The following PPFIA2 variants were observed in gnomAD, a reference collection of about 807,000 sequenced individuals.
The protein encoded by PPFIA2 is PPFI scaffold protein A2.
In PPFIA2, 46 loss-of-function variants were observed where a neutral mutation model predicts 175.5. The ratio of observed to expected loss-of-function variants is 0.26; its 90% CI spans 0.21 to 0.34. PPFIA2 has a LOEUF of 0.34. Among genes scored for constraint, PPFIA2 ranks in the 10% least tolerant of loss-of-function variants. The pLI is 1.00. For missense variants in PPFIA2, 1,179 were observed against 1,506.1 expected (o/e 0.78, Z 3.60); for synonymous variants, 568 against 511.4 (o/e 1.11, Z -1.49).
In PPFIA2 at chr12:81,384,118, G is replaced by C; in HGVS notation, c.889C>G (p.Arg297Gly). 6.2e-7 allele frequency: 1 copy of C among 1,613,040 alleles called. No individual in the cohort carries two copies. The highest frequency in any genetic ancestry group is 8.5e-7 in the Non-Finnish European group (1 of 1,179,440). ...MKERLAALSS[R>G]VGEVEQEAET... Reference sequence around the variant, plus strand: ...GCTTCCTGTTCCACCTCTCCCACTCGGGAAGAAAGGGCTGCTAAACGTTCT... The same window carrying C: ...GCTTCCTGTTCCACCTCTCCCACTCCGGAAGAAAGGGCTGCTAAACGTTCT... The change falls in exon 9 of 33, where the codon CGA (arginine) becomes GGA (glycine). Residue 297 changes from arginine (R) to glycine (G), a missense_variant. By Grantham distance (125) the Arg-to-Gly change is moderately radical. Transcript: ENST00000549396.
Position 81,369,199 on chromosome 12 carries a change from TAAG to T in PPFIA2, c.1267-8_1267-6del. The T allele has an allele frequency of 6.2e-7, 1 of 1,606,466 alleles. No homozygotes were observed. Among genetic ancestry groups the T allele is most frequent in the East Asian group, 2.2e-5 (1 of 44,492 alleles). ...ATTTCCATGTCTCTCTTCAGCCTGTTAAGAAATATGAAGAATACACCTGAAATG... is the reference window on the plus strand; with the variant it reads ...ATTTCCATGTCTCTCTTCAGCCTGTTAAATATGAAGAATACACCTGAAATG... On this transcript the variant is annotated splice_polypyrimidine_tract_variant and splice_region_variant and intron_variant, in intron 11 of 32. Transcript: ENST00000549396.
chr12:81,683,725 T>C (rs75910272), intron 3 of PPFIA2, among the ~76,000 whole-genome samples: 2,223 of 152,140 alleles, frequency 0.015, 55 homozygotes, highest in East Asian at 0.044. Flanking sequence ...TTTCTAGATG[T>C]CCTCATCCAT....
intron 4 of PPFIA2, among the ~76,000 whole-genome samples, chr12:81,581,120 A>C (rs1354756360): frequency 6.7e-6 from 1 of 150,304 alleles, no homozygotes; most frequent in Non-Finnish European, 1.5e-5. Context: ...TGTTAGAAGA[A>C]GTGAGGACTG....
chr12:81,451,666 C>T (rs1011389096), intron 5 of PPFIA2, among the ~76,000 whole-genome samples: 6 of 152,012 alleles, frequency 3.9e-5, no homozygotes, highest in Admixed American at 3.9e-4. Context: ...TAAACAGACT[C>T]CTTAAGGGAT....
At chr12:81,286,021 G>C (rs549920515) in intron 24 of PPFIA2, among the ~76,000 whole-genome samples, 1 of 152,052 alleles carries the variant, frequency 6.6e-6, no homozygotes, top group Admixed American at 6.6e-5. Flanking sequence ...TGATGGTCCC[G>C]ATCCTGTGTA....
At chr12:81,572,915 C>T (rs1165034299) in intron 4 of PPFIA2, among the ~76,000 whole-genome samples, 1 of 151,784 alleles carries the variant, frequency 6.6e-6, no homozygotes, top group East Asian at 1.9e-4. Flanking sequence ...AAGGAGCTTT[C>T]ACTGGCAAAA....
chr12:81,523,556 C>T (rs1210444328), intron 4 of PPFIA2, among the ~76,000 whole-genome samples: 1 of 152,134 alleles, frequency 6.6e-6, no homozygotes, highest in Non-Finnish European at 1.5e-5. Flanking sequence ...AATACTCCAT[C>T]CTTTTTTTCA....
At chr12:81,739,276 T>C (rs1007824252) in intron 3 of PPFIA2, among the ~76,000 whole-genome samples, 7 of 152,034 alleles carry the variant, frequency 4.6e-5, no homozygotes, top group Non-Finnish European at 1.0e-4. Context: ...ACATTTTCTA[T>C]AAAAGGAATA....
intron 4 of PPFIA2, among the ~76,000 whole-genome samples, chr12:81,584,902 T>G (rs2074987548): frequency 8.2e-6 from 1 of 122,154 alleles, no homozygotes; most frequent in South Asian, 2.2e-4. Flanking sequence ...TATTTATATA[T>G]AATATATTAT....
chr12:81,697,099 T>G (rs987355223), intron 3 of PPFIA2, among the ~76,000 whole-genome samples: 1 of 152,132 alleles, frequency 6.6e-6, no homozygotes, highest in Non-Finnish European at 1.5e-5. Flanking sequence ...CTAGAAAATG[T>G]AGATCTCCCT....
intron 4 of PPFIA2, among the ~76,000 whole-genome samples, chr12:81,480,396 T>C (rs2058065182): frequency 6.6e-6 from 1 of 152,130 alleles, no homozygotes; most frequent in Non-Finnish European, 1.5e-5. Context: ...ACCCACCTTC[T>C]GAAGCCTACT....
In PPFIA2 at chr12:81,281,983, G is replaced by A. The variant is rs552237757; in HGVS notation, c.3019-533C>T. On this transcript the variant is annotated intron_variant, in intron 26 of 32. Coordinates refer to ENST00000549396, the MANE Select transcript of PPFIA2 (RefSeq NM_003625.5). The stretch of plus-strand genomic sequence containing the variant: ...TTGTTGTTACTTAGCAAAGCAGGTC[G>A]TCAGCTTTCCAAAAAATCATTGGAA... Among the ~76,000 whole-genome samples the A allele has an allele frequency of 5.9e-5, 9 of 152,076 alleles. No homozygotes were observed. The East Asian group carries it at 7.7e-4, about 13-fold the overall frequency.
chr12:81,425,467 C>A (rs1437864549), intron 7 of PPFIA2, among the ~76,000 whole-genome samples: 7 of 152,328 alleles, frequency 4.6e-5, no homozygotes, highest in Middle Eastern at 3.4e-3. Context: ...GCCTCAGCCT[C>A]CCGAGTATCG....
chr12:81,730,333 G>C (rs1246487157), intron 3 of PPFIA2, among the ~76,000 whole-genome samples: 1 of 151,608 alleles, frequency 6.6e-6, no homozygotes, highest in Non-Finnish European at 1.5e-5. Flanking sequence ...AATTTACAAA[G>C]GAAAGAAGTT....
chr12:81,575,761 A>G (rs901189566), intron 4 of PPFIA2, among the ~76,000 whole-genome samples: 1 of 151,772 alleles, frequency 6.6e-6, no homozygotes, highest in Non-Finnish European at 1.5e-5. Context: ...ATTCAGTTGC[A>G]TATGTAAGTA....
intron 4 of PPFIA2, among the ~76,000 whole-genome samples, chr12:81,481,156 A>G (rs1387876984): frequency 1.3e-5 from 2 of 152,212 alleles, no homozygotes; most frequent in African/African-American, 4.8e-5. Context: ...TACAAAGTGA[A>G]TAAAATACAT....
intron 4 of PPFIA2, among the ~76,000 whole-genome samples, chr12:81,589,370 AG>A (rs1379827537): frequency 6.6e-6 from 1 of 152,118 alleles, no homozygotes; most frequent in Admixed American, 6.6e-5. Flanking sequence ...GTTTTCCTTG[AG>A]TTGCCCTTTA....
chr12:81,421,124 A>T (rs1187163758), intron 7 of PPFIA2, among the ~76,000 whole-genome samples: 1 of 152,084 alleles, frequency 6.6e-6, no homozygotes, highest in Non-Finnish European at 1.5e-5. Flanking sequence ...ATGAAAATTG[A>T]AGGAGTTTTT....
intron 3 of PPFIA2, among the ~76,000 whole-genome samples, chr12:81,720,806 C>T (rs532150460): frequency 1.1e-3 from 167 of 151,402 alleles, no homozygotes; most frequent in African/African-American, 3.8e-3. Flanking sequence ...GACTTGTATA[C>T]ACTTAATAAA....
Sources: allele counts gnomAD v4.1 joint callset (sites outside exome capture counted in the v4.1 genomes callset), GRCh38; gene constraint gnomAD v4.1.1; transcripts MANE v1.5; gene names NCBI Gene and HGNC (gene_info 2026-07-23, HGNC 2026-07-21).